The following PRKDC variants were observed in gnomAD, a reference collection of about 807,000 sequenced individuals.
PRKDC encodes the protein protein kinase, DNA-activated, catalytic subunit, also known as DNA-dependent protein kinase catalytic subunit.
A neutral mutation model predicts 486.9 loss-of-function variants in PRKDC; 82 were observed. That is an observed-to-expected ratio of 0.17 (90% CI 0.14 to 0.20). PRKDC has a LOEUF of 0.20. PRKDC is among the 10% of genes least tolerant of loss of function. The pLI is 1.00. For synonymous variants in PRKDC, 1,895 were observed against 1,837.0 expected, an observed-to-expected ratio of 1.03 and a Z score of -0.81; for missense variants, 4,504 against 5,038.2, an observed-to-expected ratio of 0.89 and a Z score of 3.21.
At chr8:47,779,136 G>C in intron 80 of PRKDC, 43 bp from the exon 81 acceptor site, 1 of 1,402,888 alleles carries the variant, frequency 7.1e-7, no homozygotes, top group Middle Eastern at 1.8e-4. Context: ...GAAGATTTTA[G>C]CATTATGTGA....
chr8:47,935,114 A>C, intron 13 of PRKDC, 56 bp from the exon 14 acceptor site: 1 of 1,211,712 alleles, frequency 8.3e-7, no homozygotes, highest in Non-Finnish European at 1.1e-6. Context: ...CAGAATCAAA[A>C]CTCACAAAAA....
chr8:47,925,809 T>C (rs2090147874), intron 21 of PRKDC, among the ~76,000 whole-genome samples: 1 of 152,164 alleles, frequency 6.6e-6, no homozygotes, highest in Admixed American at 6.5e-5. Context: ...TGCAACAACA[T>C]AAATGGTACA....
At chr8:47,945,881 C>A (rs2090524935) in intron 7 of PRKDC, among the ~76,000 whole-genome samples, 1 of 152,078 alleles carries the variant, frequency 6.6e-6, no homozygotes, top group African/African-American at 2.4e-5. Context: ...GCCACCACGC[C>A]CGGCTAATTG....
intron 65 of PRKDC, among the ~76,000 whole-genome samples, 163 bp downstream of exon 65, chr8:47,821,441 A>C (rs554712500): frequency 3.9e-5 from 6 of 152,358 alleles, no homozygotes; most frequent in African/African-American, 1.4e-4. Flanking sequence ...AAAAGTGATA[A>C]GAGATTTAAC....
At position 47,858,584 on chromosome 8, in the gene PRKDC, G is replaced by C. The variant is rs573302015; in HGVS notation, c.6397C>G (p.Leu2133Val). 2.3e-5 allele frequency: 36 copies of C among 1,560,702 alleles called. No homozygotes were observed. The Admixed American group carries it at 5.6e-4, about 24-fold the overall frequency. Reference protein sequence around the residue: ...PSWMKFLHGKLGNPIVPLNIR... With the variant: ...PSWMKFLHGKVGNPIVPLNIR... ...TTTAATGGTACTATTGGATTTCCCA[G>C]TTTGCCATGGAGGAATTTCATCCAA... Residue 2133 changes from leucine (L) to valine (V), a missense_variant, in exon 48 of 86, where the codon CTG (leucine) becomes GTG (valine). Leu to Val is a conservative substitution (Grantham distance 32). Transcript: ENST00000314191.
intron 64 of PRKDC, among the ~76,000 whole-genome samples, chr8:47,822,999 G>A (rs1363048030): frequency 6.6e-6 from 1 of 152,090 alleles, no homozygotes; most frequent in African/African-American, 2.4e-5. Context: ...CAATGTCAGA[G>A]GTGGGGCCTG....
rs183986754 is a variant in PRKDC at position 47,902,616 on chromosome 8, C to T, written c.3222G>A (p.Lys1074=). The T allele has an allele frequency of 1.6e-4, 254 of 1,608,732 alleles. No homozygotes were observed. The African/African-American group carries it at 3.2e-3, about 20-fold the overall frequency. ...TAAAGGCAAGTGATGCTCCCAGCCT[C>T]TTGAAAGCATTGGGGTGAAGCGCAA... ...YSLALHPNAF[K]RLGASLAFNN... Residue 1074 remains lysine, a synonymous_variant, in exon 27 of 86, where the codon AAG becomes AAA. Coordinates refer to ENST00000314191, the MANE Select transcript of PRKDC (RefSeq NM_006904.7).
intron 36 of PRKDC, among the ~76,000 whole-genome samples, chr8:47,883,523 C>T (rs1044607333): frequency 6.6e-6 from 1 of 152,202 alleles, no homozygotes; most frequent in Non-Finnish European, 1.5e-5. Context: ...CCCTGCCCTC[C>T]GGAGCCAAGG....
Position 47,849,350 on chromosome 8 carries a change from C to T in PRKDC, c.7130+29G>A, listed in dbSNP as rs8178171. ...GAGAGGAGGGCCGAGGACCCTCCTGCCCCGAAAGGATCCCTGGACAGCCCA... is the reference window on the plus strand; with the variant it reads ...GAGAGGAGGGCCGAGGACCCTCCTGTCCCGAAAGGATCCCTGGACAGCCCA... On this transcript the variant is annotated intron_variant, in intron 53 of 85. Transcript: ENST00000314191. The T allele has an allele frequency of 3.8e-5, 61 of 1,613,712 alleles. No individual in the cohort carries two copies. The East Asian group carries it at 8.5e-4, about 22-fold the overall frequency.
intron 71 of PRKDC, among the ~76,000 whole-genome samples, chr8:47,799,710 G>A (rs538362653): frequency 7.2e-5 from 11 of 152,298 alleles, no homozygotes; most frequent in African/African-American, 2.2e-4. Context: ...GTCGGCTCCT[G>A]CACTCAGTGT....
intron 74 of PRKDC, among the ~76,000 whole-genome samples, chr8:47,791,521 C>A (rs577743471): frequency 6.6e-6 from 1 of 150,946 alleles, no homozygotes; most frequent in Admixed American, 6.6e-5. Context: ...CAAGCTCAAA[C>A]AACTCAACAG....
chr8:47,816,820 TA>T (rs78066737), intron 68 of PRKDC, among the ~76,000 whole-genome samples: 3,097 of 139,886 alleles, frequency 0.022, 48 homozygotes, highest in East Asian at 0.088. Flanking sequence ...ATAAAAAGTT[TA>T]AAAAAAAAAA....
intron 64 of PRKDC, among the ~76,000 whole-genome samples, chr8:47,823,348 C>T (rs764458381): frequency 1.6e-4 from 25 of 151,674 alleles, no homozygotes; most frequent in Non-Finnish European, 3.1e-4. Context: ...GGCACCCCCT[C>T]CCCAACTGTC....
chr8:47,818,863 C>T (rs1195207674), intron 67 of PRKDC, among the ~76,000 whole-genome samples: 1 of 152,206 alleles, frequency 6.6e-6, no homozygotes, highest in Admixed American at 6.5e-5. Flanking sequence ...ATGTACTCTT[C>T]CCCTTAGACT....
At chr8:47,953,742 A>C (rs770228366) in intron 6 of PRKDC, 23 bp from the exon 7 acceptor site, 1 of 1,595,850 alleles carries the variant, frequency 6.3e-7, no homozygotes, top group Non-Finnish European at 8.5e-7. Flanking sequence ...ATTTAAGAAG[A>C]TGTCATTACA....
chr8:47,855,183 T>A (rs1198163573), intron 50 of PRKDC, 39 bp downstream of exon 50: 1 of 1,511,888 alleles, frequency 6.6e-7, no homozygotes, highest in Non-Finnish European at 8.9e-7. Flanking sequence ...CATTTTAACC[T>A]AAATTTCTAA....
chr8:47,780,308 A>G (rs181789464), intron 80 of PRKDC, among the ~76,000 whole-genome samples: 30 of 152,314 alleles, frequency 2.0e-4, no homozygotes, highest in Non-Finnish European at 3.8e-4. Context: ...TTTTCTTCCA[A>G]TAAGGCTTCT....
intron 31 of PRKDC, among the ~76,000 whole-genome samples, chr8:47,892,620 T>C (rs1317803696): frequency 6.6e-6 from 1 of 152,172 alleles, no homozygotes; most frequent in Non-Finnish European, 1.5e-5. Context: ...AGAGAGCCTC[T>C]GCACCCAGCC....
chr8:47,941,495 C>G (rs1055871128), intron 10 of PRKDC, among the ~76,000 whole-genome samples: 1 of 152,156 alleles, frequency 6.6e-6, no homozygotes, highest in Admixed American at 6.5e-5. Flanking sequence ...AAGGGAAACC[C>G]CAAACACAGA....
Sources: allele counts gnomAD v4.1 joint callset (sites outside exome capture counted in the v4.1 genomes callset), GRCh38; gene constraint gnomAD v4.1.1; transcripts MANE v1.5; gene names NCBI Gene and HGNC (gene_info 2026-07-23, HGNC 2026-07-21).